NEGR1: variants seen among roughly 807,000 people sequenced by gnomAD.
NEGR1 encodes the protein neuronal growth regulator 1, also known as IgLON family member 4.
NEGR1 carries 10 observed loss-of-function variants against 40.9 expected under a neutral mutation model. That is an observed-to-expected ratio of 0.24 (90% CI 0.15 to 0.42). The LOEUF (loss-of-function observed/expected upper bound fraction) is 0.42. Among genes scored for constraint, NEGR1 ranks in the 10% least tolerant of loss-of-function variants. The pLI is 1.00. For missense variants in NEGR1, 352 were observed against 438.9 expected, an observed-to-expected ratio of 0.80 and a Z score of 1.77; for synonymous variants, 185 against 166.8, an observed-to-expected ratio of 1.11 and a Z score of -0.84.
chr1:72,083,440 C>T (rs542661852), intron 1 of NEGR1, among the ~76,000 whole-genome samples: 1 of 152,164 alleles, frequency 6.6e-6, no homozygotes, highest in African/African-American at 2.4e-5. Flanking sequence ...CACATTAGAA[C>T]CTCGAAATCC....
chr1:71,994,490 C>G (rs1228627707), intron 1 of NEGR1, among the ~76,000 whole-genome samples: 1 of 150,026 alleles, frequency 6.7e-6, no homozygotes, highest in Non-Finnish European at 1.5e-5. Flanking sequence ...ATGGCACTAC[C>G]GCACTCCAGC....
intron 1 of NEGR1, among the ~76,000 whole-genome samples, chr1:72,165,658 T>C (rs1026786281): frequency 3.9e-5 from 6 of 152,056 alleles, no homozygotes; most frequent in South Asian, 2.1e-4. Context: ...AACTAGCTTA[T>C]TGAAATTTGA....
chr1:71,929,203 C>T (rs1645831105), intron 2 of NEGR1, among the ~76,000 whole-genome samples: 1 of 152,064 alleles, frequency 6.6e-6, no homozygotes, highest in Non-Finnish European at 1.5e-5. Flanking sequence ...GGGACACCTA[C>T]TCCTAGTTTT....
At chr1:72,174,275 C>T (rs1652080220) in intron 1 of NEGR1, among the ~76,000 whole-genome samples, 1 of 152,144 alleles carries the variant, frequency 6.6e-6, no homozygotes, top group African/African-American at 2.4e-5. Flanking sequence ...GTCTCTTTTA[C>T]TATCAATATT....
chr1:71,964,426 G>A (rs1646193789), intron 1 of NEGR1, among the ~76,000 whole-genome samples: 2 of 152,054 alleles, frequency 1.3e-5, no homozygotes, highest in Admixed American at 6.6e-5. Flanking sequence ...CCAGTCAGTC[G>A]CCAAGGAGAG....
intron 5 of NEGR1, among the ~76,000 whole-genome samples, chr1:71,604,235 G>A (rs2991329): frequency 1.3e-5 from 2 of 152,040 alleles, no homozygotes; most frequent in Non-Finnish European, 2.9e-5. Flanking sequence ...GTAAGTGAAC[G>A]AATGTGAACA....
chr1:71,744,085 A>C, intron 3 of NEGR1, among the ~76,000 whole-genome samples: 1 of 152,090 alleles, frequency 6.6e-6, no homozygotes, highest in East Asian at 1.9e-4. Context: ...ATCTGGGAAG[A>C]CAGAGTTGTC....
At chr1:71,933,298 C>A (rs1310753209) in intron 2 of NEGR1, among the ~76,000 whole-genome samples, 1 of 151,866 alleles carries the variant, frequency 6.6e-6, no homozygotes, top group African/African-American at 2.4e-5. Context: ...CTAGGCTGGT[C>A]TTAAATACCG....
intron 2 of NEGR1, among the ~76,000 whole-genome samples, chr1:71,861,711 C>T (rs772732497): frequency 6.6e-6 from 1 of 152,042 alleles, no homozygotes. Flanking sequence ...TGGATTATTA[C>T]AGGGGAGACA....
intron 1 of NEGR1, among the ~76,000 whole-genome samples, chr1:71,976,631 A>G (rs1430562020): frequency 6.6e-6 from 1 of 152,198 alleles, no homozygotes; most frequent in East Asian, 1.9e-4. Flanking sequence ...TTTTTTTAAA[A>G]AAGTTACTTT....
At chr1:71,559,761 C>A (rs1402271822) in intron 6 of NEGR1, among the ~76,000 whole-genome samples, 1 of 151,378 alleles carries the variant, frequency 6.6e-6, no homozygotes, top group Non-Finnish European at 1.5e-5. Flanking sequence ...CAATCTAATA[C>A]TCAGCAGAAC....
intron 1 of NEGR1, among the ~76,000 whole-genome samples, chr1:72,041,765 GAGATGCACCCCAT>G (rs1374732094): frequency 6.8e-6 from 1 of 147,570 alleles, no homozygotes; most frequent in Non-Finnish European, 1.5e-5. Context: ...ACATGAGGTA[GAGATGCACCCCAT>G]AGGCTTACAA....
chr1:71,666,399 T>G lies in NEGR1; in HGVS notation c.667+31609A>C, dbSNP rs1570172171. ...GTGTAAAAAGTACCCATCATGGAAA[T>G]AGAATAGTAAATTGTTTTAGAAGCT... is the stretch of plus-strand genomic sequence containing the variant. On this transcript the variant is annotated intron_variant, in intron 4 of 6. Transcript: ENST00000357731. 2.0e-5 allele frequency among the ~76,000 whole-genome samples: 3 copies of G among 152,028 alleles called. No individual in the cohort carries two copies. The South Asian group carries it at 6.2e-4, about 32-fold the overall frequency.
chr1:72,037,052 G>A (rs552158078), intron 1 of NEGR1, among the ~76,000 whole-genome samples: 98 of 152,130 alleles, frequency 6.4e-4, no homozygotes, highest in African/African-American at 2.1e-3. Context: ...TTGTACTTGG[G>A]ATGTTGCTCT....
At chr1:71,674,815 T>G (rs1029752458) in intron 4 of NEGR1, among the ~76,000 whole-genome samples, 7 of 152,036 alleles carry the variant, frequency 4.6e-5, no homozygotes, top group Admixed American at 2.6e-4. Flanking sequence ...AAATAGAGTT[T>G]CTGTATCACT....
intron 6 of NEGR1, among the ~76,000 whole-genome samples, chr1:71,536,803 A>G (rs973418385): frequency 1.1e-4 from 16 of 151,756 alleles, no homozygotes; most frequent in African/African-American, 3.6e-4. Flanking sequence ...TATTTTTAAC[A>G]CATCCAAGAA....
At chr1:72,095,234 G>C (rs1388614395) in intron 1 of NEGR1, among the ~76,000 whole-genome samples, 1 of 151,934 alleles carries the variant, frequency 6.6e-6, no homozygotes, top group Non-Finnish European at 1.5e-5. Context: ...AAATAGTTTA[G>C]TAATAGTTCA....
intron 2 of NEGR1, among the ~76,000 whole-genome samples, chr1:71,816,799 C>T (rs12144209): frequency 0.37 from 56,839 of 151,756 alleles, 11,102 homozygotes; most frequent in Non-Finnish European, 0.43. Context: ...AATATTACCA[C>T]GAATAAAATA....
chr1:71,773,993 T>C (rs886263019), intron 3 of NEGR1, among the ~76,000 whole-genome samples: 1 of 152,208 alleles, frequency 6.6e-6, no homozygotes, highest in Non-Finnish European at 1.5e-5. Flanking sequence ...ATAGAGATTA[T>C]GTGTTTTGCT....
Sources: allele counts gnomAD v4.1 joint callset (sites outside exome capture counted in the v4.1 genomes callset), GRCh38; gene constraint gnomAD v4.1.1; transcripts MANE v1.5; gene names NCBI Gene and HGNC (gene_info 2026-07-23, HGNC 2026-07-21).